ERICH3: variants seen among roughly 807,000 people sequenced by gnomAD.
The protein encoded by ERICH3 is glutamate rich 3.
In ERICH3, 126 loss-of-function variants were observed where a neutral mutation model predicts 131.1. The observed-to-expected ratio is 0.96, with a 90% CI of 0.83 to 1.11. The LOEUF (loss-of-function observed/expected upper bound fraction) is 1.11, where lower values mean the gene tolerates loss of function less well. Ranked by LOEUF, ERICH3 falls within the 50% of genes most tolerant of loss-of-function variation. The pLI, the probability that ERICH3 is intolerant of heterozygous loss-of-function variation, is 0.00. For missense variants in ERICH3, 2,050 were observed against 1,810.7 expected (o/e 1.13, Z -2.40); for synonymous variants, 695 against 644.6 (o/e 1.08, Z -1.18).
chr1:74,673,447 G>A (rs778249196), intron 1 of ERICH3, 50 bp downstream of exon 1: 31 of 1,605,874 alleles, frequency 1.9e-5, no homozygotes, highest in East Asian at 6.8e-5. Flanking sequence ...GGGGCAGCTG[G>A]CTGAAGCCGC....
chr1:74,598,968 TA>T (rs1479796774), intron 11 of ERICH3, among the ~76,000 whole-genome samples: 2 of 152,072 alleles, frequency 1.3e-5, no homozygotes, highest in East Asian at 3.9e-4. Flanking sequence ...CTATTAGCAA[TA>T]ATAAGTTATT....
At position 74,599,214 on chromosome 1, in the gene ERICH3, T is replaced by C. The variant is rs142103892; in HGVS notation, c.1726+481A>G. ...ATGTAATTGGAACACTGATAGGATA[T>C]GGCTATAGTCGTAAATGTCCTTTTT... On this transcript the variant is annotated intron_variant, in intron 11 of 14. Coordinates refer to ENST00000326665, the MANE Select transcript of ERICH3 (RefSeq NM_001002912.5). Among the ~76,000 whole-genome samples the C allele has an allele frequency of 1.8e-3, 275 of 152,110 alleles. 2 individuals carry two copies. Among genetic ancestry groups the C allele is most frequent in the South Asian group, 6.0e-3 (29 of 4,830 alleles).
chr1:74,616,359 G>A (rs529046096), intron 8 of ERICH3, among the ~76,000 whole-genome samples: 12 of 151,990 alleles, frequency 7.9e-5, no homozygotes, highest in Non-Finnish European at 1.6e-4. Flanking sequence ...CAGGCCAGCG[G>A]ACAACTAAAA....
chr1:74,653,013 T>C (rs961622457), intron 1 of ERICH3, among the ~76,000 whole-genome samples: 16 of 151,988 alleles, frequency 1.1e-4, no homozygotes, highest in Middle Eastern at 3.2e-3. Context: ...GGCCTGAAGT[T>C]TAGAGGAGCC....
At chr1:74,632,101 G>A (rs12723288) in intron 6 of ERICH3, among the ~76,000 whole-genome samples, 173 bp from the exon 7 acceptor site, 8,782 of 152,010 alleles carry the variant, frequency 0.058, 363 homozygotes, top group Non-Finnish European at 0.088. Flanking sequence ...TAGTATCTGC[G>A]GCAAATTAAA....
chr1:74,657,028 A>G (rs538660208), intron 1 of ERICH3, among the ~76,000 whole-genome samples: 64 of 152,352 alleles, frequency 4.2e-4, no homozygotes, highest in Non-Finnish European at 7.9e-4. Flanking sequence ...GTTAATGGAA[A>G]CAAAGCATAT....
intron 7 of ERICH3, among the ~76,000 whole-genome samples, chr1:74,627,012 T>A (rs954449193): frequency 8.5e-5 from 13 of 152,194 alleles, no homozygotes; most frequent in Non-Finnish European, 1.5e-4. Flanking sequence ...TGGATGGTAG[T>A]CATAAAATGA....
chr1:74,609,783 G>A (rs1648596725), intron 9 of ERICH3, among the ~76,000 whole-genome samples: 1 of 152,094 alleles, frequency 6.6e-6, no homozygotes, highest in Non-Finnish European at 1.5e-5. Context: ...GTGCATTTTA[G>A]TTGAGAGTCA....
At chr1:74,603,709 A>G (rs1028890130) in intron 10 of ERICH3, among the ~76,000 whole-genome samples, 1 of 151,908 alleles carries the variant, frequency 6.6e-6, no homozygotes, top group African/African-American at 2.4e-5. Context: ...TGTTTCTACT[A>G]TGCTGCTGTC....
At chr1:74,644,658 T>C (rs1418141370) in intron 3 of ERICH3, among the ~76,000 whole-genome samples, 2 of 152,042 alleles carry the variant, frequency 1.3e-5, no homozygotes, top group Admixed American at 1.3e-4. Flanking sequence ...TTCTCCCACT[T>C]CAGCTTCTCT....
intron 10 of ERICH3, among the ~76,000 whole-genome samples, chr1:74,606,227 T>C (rs980868015): frequency 2.6e-5 from 4 of 151,986 alleles, no homozygotes; most frequent in Non-Finnish European, 5.9e-5. Flanking sequence ...TGTACCTACC[T>C]GATGTCAAAG....
intron 1 of ERICH3, among the ~76,000 whole-genome samples, chr1:74,672,275 AC>A (rs1002326588): frequency 6.6e-6 from 1 of 152,166 alleles, no homozygotes; most frequent in African/African-American, 2.4e-5. Context: ...ATCTTACATG[AC>A]CCACAGATAA....
intron 7 of ERICH3, among the ~76,000 whole-genome samples, chr1:74,629,100 G>A (rs1649506732): frequency 6.6e-6 from 1 of 151,928 alleles, no homozygotes; most frequent in Non-Finnish European, 1.5e-5. Context: ...CCACAAATAC[G>A]ACGGAGTTAA....
chr1:74,594,296 GT>G (rs1647745126), intron 11 of ERICH3, among the ~76,000 whole-genome samples: 1 of 151,826 alleles, frequency 6.6e-6, no homozygotes, highest in South Asian at 2.1e-4. Flanking sequence ...GTGTGTGTGT[GT>G]GTGTGTGTAT....
chr1:74,643,401 T>A (rs1646453073), intron 3 of ERICH3, among the ~76,000 whole-genome samples: 1 of 152,104 alleles, frequency 6.6e-6, no homozygotes, highest in South Asian at 2.1e-4. Flanking sequence ...AAAGATGCTA[T>A]CTGAAAGATT....
chr1:74,655,338 T>C (rs757518562), intron 1 of ERICH3, among the ~76,000 whole-genome samples: 9 of 152,182 alleles, frequency 5.9e-5, no homozygotes, highest in Non-Finnish European at 1.0e-4. Flanking sequence ...CTTACAGCTC[T>C]GGAGGTCAGA....
rs1226876930 is a variant in ERICH3 at position 74,568,139 on chromosome 1, T to C, written c.*2319A>G. The C allele has an allele frequency of 6.6e-6, 1 of 152,130 alleles. No homozygotes were observed. The highest frequency in any genetic ancestry group is 1.9e-4 in the East Asian group (1 of 5,190). The allele number at this position is 152,130 out of a possible 1,614,324, so 9.4% of individuals were successfully genotyped here. On this transcript the variant is annotated 3_prime_UTR_variant, in exon 15 of 15. Coordinates refer to ENST00000326665, the MANE Select transcript of ERICH3 (RefSeq NM_001002912.5). ...CTGTAAACATATGATTGATTTATGT[T>C]TTAATAATGAAGAAACAGGAAACAA...
At chr1:74,636,957 T>C (rs188277680) in intron 5 of ERICH3, among the ~76,000 whole-genome samples, 3 of 152,320 alleles carry the variant, frequency 2.0e-5, no homozygotes, top group Admixed American at 2.0e-4. Context: ...TTCATTACAA[T>C]TTATTCAATG....
chr1:74,637,377 T>A (rs924549893), intron 5 of ERICH3, among the ~76,000 whole-genome samples: 4 of 152,124 alleles, frequency 2.6e-5, no homozygotes, highest in Non-Finnish European at 5.9e-5. Flanking sequence ...GTGCTGTGGC[T>A]CCTGATATGC....
Sources: gnomAD v4.1 joint callset for allele counts (sites outside exome capture counted in the v4.1 genomes callset) on GRCh38, gnomAD v4.1.1 for gene constraint, MANE v1.5 for transcripts, NCBI Gene and HGNC (gene_info 2026-07-23, HGNC 2026-07-21) for gene names.